The following WIF1 variants were observed in gnomAD, a reference collection of about 807,000 sequenced individuals.
WIF1 encodes Wnt inhibitory factor 1.
In WIF1, 35 loss-of-function variants were observed where a neutral mutation model predicts 53.5. The observed-to-expected ratio is 0.65, with a 90% CI of 0.50 to 0.87. The LOEUF (loss-of-function observed/expected upper bound fraction) is 0.87, where lower values mean the gene tolerates loss of function less well. Among genes scored for constraint, WIF1 ranks in the 40% least tolerant of loss-of-function variants. WIF1 has a pLI of 0.00. For missense variants in WIF1, 467 were observed against 476.8 expected (o/e 0.98, Z 0.19); for synonymous variants, 171 against 170.4 (o/e 1.00, Z -0.03).
rs1883607647 is a variant in WIF1, at chr12:65,121,270, G to A, written c.-79C>T. ...ACCTGGCGCCGTCAGATACTCTGCT[G>A]CGCTGCAGCTCCCTCAGCCAGGGCT... is the stretch of plus-strand genomic sequence containing the variant. On this transcript the variant is annotated 5_prime_UTR_variant, in exon 1 of 10. Transcript: ENST00000286574. 3.0e-6 allele frequency: 4 copies of A among 1,349,530 alleles called. No individual in the cohort carries two copies. The highest frequency in any genetic ancestry group is 3.8e-6 in the Non-Finnish European group (4 of 1,045,350). The allele number at this position is 1,349,530 out of a possible 1,614,324, so 83.6% of individuals were successfully genotyped here. A position where few individuals can be genotyped will look rare whatever the true frequency, so the allele number is the denominator to read the frequency against.
intron 6 of WIF1, among the ~76,000 whole-genome samples, chr12:65,064,473 A>G (rs1323112895): frequency 6.6e-6 from 1 of 152,208 alleles, no homozygotes; most frequent in Non-Finnish European, 1.5e-5. Context: ...ATTCTTTAAT[A>G]TTTGTTCAAA....
At chr12:65,065,288 G>T (rs2136613833) in intron 6 of WIF1, among the ~76,000 whole-genome samples, 1 of 152,204 alleles carries the variant, frequency 6.6e-6, no homozygotes. Context: ...AGATCAAGTT[G>T]CCTGCCCAGG....
chr12:65,056,628 C>G (rs1882532983), intron 7 of WIF1, among the ~76,000 whole-genome samples: 1 of 151,836 alleles, frequency 6.6e-6, no homozygotes, highest in African/African-American at 2.4e-5. Flanking sequence ...TTTAAATAAT[C>G]TTTTCACTGG....
chr12:65,121,158 G>A lies in WIF1; in HGVS notation c.34C>T (p.Leu12Phe). ...ARRSAFPAAALWLWSILLCLL... is the reference protein window; with the variant it reads ...ARRSAFPAAAFWLWSILLCLL... ...CACAGGAGGATGCTCCAGAGCCAGA[G>A]CGCGGCGGCAGGGAAGGCGCTCCTC... Residue 12 changes from leucine (L) to phenylalanine (F), a missense_variant, in exon 1 of 10, where the codon CTC (leucine) becomes TTC (phenylalanine). Coordinates refer to ENST00000286574, the MANE Select transcript of WIF1 (RefSeq NM_007191.5). 1 of 1,547,238 alleles carries A rather than the reference G, an allele frequency of 6.5e-7. No individual in the cohort carries two copies. The highest frequency in any genetic ancestry group is 2.4e-5 in the East Asian group (1 of 41,022).
At chr12:65,098,130 A>G (rs1177677005) in intron 2 of WIF1, among the ~76,000 whole-genome samples, 2 of 152,220 alleles carry the variant, frequency 1.3e-5, no homozygotes, top group Admixed American at 6.5e-5. Context: ...ATTTATGAAC[A>G]CAGACTTTTA....
chr12:65,116,541 T>C (rs2136296338), intron 2 of WIF1, among the ~76,000 whole-genome samples: 1 of 152,132 alleles, frequency 6.6e-6, no homozygotes, highest in South Asian at 2.1e-4. Context: ...TGTATAATTA[T>C]TTCATTACAT....
chr12:65,051,882 A>G (rs1052920344), intron 9 of WIF1, among the ~76,000 whole-genome samples: 1 of 152,238 alleles, frequency 6.6e-6, no homozygotes, highest in African/African-American at 2.4e-5. Flanking sequence ...CAATATGACA[A>G]CCCGACTCTT....
At chr12:65,055,065 A>G (rs936265973) in intron 9 of WIF1, 53 bp downstream of exon 9, 4 of 1,587,140 alleles carry the variant, frequency 2.5e-6, no homozygotes, top group Admixed American at 1.7e-5. Flanking sequence ...TCTCCCACTC[A>G]CTTTTATTTT....
At chr12:65,106,546 T>C (rs1304176657) in intron 2 of WIF1, among the ~76,000 whole-genome samples, 1 of 152,004 alleles carries the variant, frequency 6.6e-6, no homozygotes, top group Non-Finnish European at 1.5e-5. Context: ...GTGTTTTTAG[T>C]AGAGATGGGG....
rs1311571336 is a variant in WIF1 at position 65,067,628 on chromosome 12, A to G, written c.634+67T>C. ...CAGGTGTTAAAAATACACAATACACATGGGGCTCCTGCACGACATCCATGT... is the reference window on the plus strand; with the variant it reads ...CAGGTGTTAAAAATACACAATACACGTGGGGCTCCTGCACGACATCCATGT... On this transcript the variant is annotated intron_variant, in intron 5 of 9. Transcript: ENST00000286574. 20 of 1,479,176 alleles carry G rather than the reference A, an allele frequency of 1.4e-5. No homozygotes were observed. In the Middle Eastern group the frequency reaches 5.2e-4, roughly 38 times the overall value. The allele number at this position is 1,479,176 out of a possible 1,614,324, so 91.6% of individuals were successfully genotyped here.
rs990161640 is a variant in WIF1, at chr12:65,051,253, C to T, written c.*96G>A. The T allele has an allele frequency of 1.4e-6, 2 of 1,447,300 alleles. No individual in the cohort carries two copies. The highest frequency in any genetic ancestry group is 1.4e-5 in the African/African-American group (1 of 69,668). 89.7% of individuals were successfully genotyped at this position (1,447,300 alleles called of 1,614,324 possible). A position where few individuals can be genotyped will look rare whatever the true frequency, so the allele number is the denominator to read the frequency against. ...AGCTAATAAAATTCAGGCCAGTATTCTTAAGTGTAATGAACATTATTTGAA... is the reference window on the plus strand; with the variant it reads ...AGCTAATAAAATTCAGGCCAGTATTTTTAAGTGTAATGAACATTATTTGAA... On this transcript the variant is annotated 3_prime_UTR_variant, in exon 10 of 10. Coordinates refer to ENST00000286574, the MANE Select transcript of WIF1 (RefSeq NM_007191.5).
intron 7 of WIF1, among the ~76,000 whole-genome samples, chr12:65,057,512 T>C (rs1044734096): frequency 5.3e-5 from 8 of 152,202 alleles, no homozygotes; most frequent in African/African-American, 1.9e-4. Context: ...GGAAGATAAG[T>C]TACTTTTTAC....
chr12:65,055,222 A>T lies in WIF1; in HGVS notation c.923-9T>A, dbSNP rs763821079. The T allele has an allele frequency of 1.2e-6, 2 of 1,609,478 alleles. No individual in the cohort carries two copies. The highest frequency in any genetic ancestry group is 2.2e-5 in the East Asian group (1 of 44,856). On this transcript the variant is annotated splice_polypyrimidine_tract_variant and intron_variant, in intron 8 of 9. Transcript: ENST00000286574. The stretch of plus-strand genomic sequence containing the variant: ...GCCAGGCTCGCAGACAGCTAGAATC[A>T]AAAGAAATAAAAAGAGTATTTCCTG...
At chr12:65,066,139 G>A (rs1315878815) in intron 6 of WIF1, among the ~76,000 whole-genome samples, 3 of 152,198 alleles carry the variant, frequency 2.0e-5, no homozygotes, top group African/African-American at 7.2e-5. Flanking sequence ...TGAGATGTCA[G>A]TGGGAGACCA....
chr12:65,082,884 A>G (rs1481414593), intron 2 of WIF1, among the ~76,000 whole-genome samples: 1 of 152,196 alleles, frequency 6.6e-6, no homozygotes, highest in Non-Finnish European at 1.5e-5. Flanking sequence ...TAAGAATCAA[A>G]GATCTTTCAG....
Position 65,107,889 on chromosome 12 carries a change from C to A in WIF1, c.288+12528G>T, listed in dbSNP as rs543916587. Among the ~76,000 whole-genome samples the A allele has an allele frequency of 3.3e-5, 5 of 152,304 alleles. No homozygotes were observed. In the South Asian group the frequency reaches 1.0e-3, roughly 32 times the overall value. On this transcript the variant is annotated intron_variant, in intron 2 of 9. Coordinates refer to ENST00000286574, the MANE Select transcript of WIF1 (RefSeq NM_007191.5). ...GTATAGTGACATTTGTCATATTCAT[C>A]TCCAAAGAATTAATGGCAAGCTGAA...
chr12:65,080,829 C>A (rs866655819), intron 2 of WIF1, among the ~76,000 whole-genome samples: 9 of 152,000 alleles, frequency 5.9e-5, no homozygotes, highest in Admixed American at 1.3e-4. Flanking sequence ...AGGTCAAATA[C>A]CATATAAGTT....
At chr12:65,100,351 C>G (rs752574045) in intron 2 of WIF1, among the ~76,000 whole-genome samples, 1 of 152,122 alleles carries the variant, frequency 6.6e-6, no homozygotes, top group African/African-American at 2.4e-5. Flanking sequence ...CCACTGCCCC[C>G]TACAGTATAA....
intron 9 of WIF1, 144 bp from the exon 10 acceptor site, chr12:65,051,614 G>T: frequency 9.4e-7 from 1 of 1,060,814 alleles, no homozygotes; most frequent in Non-Finnish European, 1.3e-6. Context: ...CTACCTGAAT[G>T]AAGAGATCTC....
Sources: allele counts gnomAD v4.1 joint callset (sites outside exome capture counted in the v4.1 genomes callset), GRCh38; gene constraint gnomAD v4.1.1; transcripts MANE v1.5; gene names NCBI Gene and HGNC (gene_info 2026-07-23, HGNC 2026-07-21).